PRDM1: variants seen among roughly 807,000 people sequenced by gnomAD.
PRDM1 encodes the protein PR/SET domain 1.
A neutral mutation model predicts 62.8 loss-of-function variants in PRDM1; 13 were observed. The ratio of observed to expected loss-of-function variants is 0.21; its 90% CI spans 0.13 to 0.33. The LOEUF (loss-of-function observed/expected upper bound fraction) is 0.33. PRDM1 is among the 10% of genes least tolerant of loss of function. PRDM1 has a pLI of 1.00. For missense variants in PRDM1, 895 were observed against 1,058.8 expected, an observed-to-expected ratio of 0.85 and a Z score of 2.15; for synonymous variants, 396 against 417.6, an observed-to-expected ratio of 0.95 and a Z score of 0.63.
At chr6:106,018,245 TTAAAG>T (rs1302691831) in intron 1 of PRDM1, among the ~76,000 whole-genome samples, 1 of 152,228 alleles carries the variant, frequency 6.6e-6, no homozygotes, top group Admixed American at 6.5e-5. Context: ...CGTATAGTTA[TTAAAG>T]TAGTTTTGTT....
At chr6:106,023,066 G>A (rs1421107933) in intron 1 of PRDM1, among the ~76,000 whole-genome samples, 1 of 152,106 alleles carries the variant, frequency 6.6e-6, no homozygotes, top group Admixed American at 6.6e-5. Context: ...TGCTGTTAAA[G>A]CGATTTCCTT....
At chr6:105,995,016 C>T (rs1315630861) in intron 1 of PRDM1, among the ~76,000 whole-genome samples, 1 of 152,196 alleles carries the variant, frequency 6.6e-6, no homozygotes, top group Admixed American at 6.5e-5. Flanking sequence ...TGCCCGACGC[C>T]GTCGCAGCCG....
chr6:106,016,855 C>T (rs115647338), intron 1 of PRDM1, among the ~76,000 whole-genome samples: 3,240 of 151,890 alleles, frequency 0.021, 107 homozygotes, highest in African/African-American at 0.074. Flanking sequence ...GGTTTCAACA[C>T]GCTGGCCACG....
At chr6:106,088,512 T>C in intron 2 of PRDM1, 63 bp downstream of exon 2, 1 of 1,589,138 alleles carries the variant, frequency 6.3e-7, no homozygotes, top group Non-Finnish European at 8.6e-7. Context: ...CTACTTGCCC[T>C]TGAGGCCTTG....
At chr6:106,012,085 A>C (rs1275943846) in intron 1 of PRDM1, among the ~76,000 whole-genome samples, 1 of 140,708 alleles carries the variant, frequency 7.1e-6, no homozygotes, top group East Asian at 2.1e-4. Context: ...ACACACAAAC[A>C]TACCACACAC....
intron 2 of PRDM1, among the ~76,000 whole-genome samples, chr6:106,090,031 C>G (rs1773919228): frequency 1.3e-5 from 2 of 152,204 alleles, no homozygotes; most frequent in Non-Finnish European, 2.9e-5. Flanking sequence ...AAAATCATAG[C>G]TAAGTCAAGT....
chr6:106,036,361 C>T (rs1772926112), intron 1 of PRDM1, among the ~76,000 whole-genome samples: 1 of 152,156 alleles, frequency 6.6e-6, no homozygotes, highest in African/African-American at 2.4e-5. Flanking sequence ...TCATGTTGCC[C>T]AGGCTAGATT....
chr6:106,011,207 C>T (rs1253815219), intron 1 of PRDM1, among the ~76,000 whole-genome samples: 3 of 152,068 alleles, frequency 2.0e-5, no homozygotes, highest in Non-Finnish European at 2.9e-5. Flanking sequence ...CGAAGATGTA[C>T]CGAAGACTTA....
intron 1 of PRDM1, among the ~76,000 whole-genome samples, chr6:106,040,144 A>G (rs533489158): frequency 8.5e-5 from 13 of 152,358 alleles, no homozygotes; most frequent in South Asian, 6.2e-4. Flanking sequence ...TGCACTGGTT[A>G]TTATCTGCTT....
At chr6:106,082,917 C>T (rs1271555876), upstream of PRDM1, among the ~76,000 whole-genome samples, 1 of 152,154 alleles carries the variant, frequency 6.6e-6, no homozygotes, top group Admixed American at 6.5e-5. Context: ...ACACAGGCTG[C>T]ATTGTAACAT....
intron 1 of PRDM1, among the ~76,000 whole-genome samples, chr6:106,014,935 A>C (rs1772602028): frequency 6.6e-6 from 1 of 152,100 alleles, no homozygotes; most frequent in African/African-American, 2.4e-5. Flanking sequence ...AGGAGAGAGA[A>C]CAAGACACAG....
intron 4 of PRDM1, chr6:106,100,416 T>C (rs1774234938): frequency 6.6e-6 from 1 of 152,272 alleles, no homozygotes; most frequent in Non-Finnish European, 1.5e-5. Context: ...TTGGTTTTGA[T>C]ATCATTTCAA....
At position 106,105,757 on chromosome 6, in the gene PRDM1, G is replaced by A; in HGVS notation, c.1597G>A (p.Ala533Thr). Residue 533 changes from alanine to threonine, a missense_variant, in exon 5 of 7, where the codon GCT (alanine) becomes ACT (threonine). Coordinates refer to ENST00000369096, the MANE Select transcript of PRDM1 (RefSeq NM_001198.4). ...GGCAGAACATGTGGTGCAGCCCAAA[G>A]CTACCTCAGCAGCGATGGCAGCCCC... ...ATAEHVVQPK[A>T]TSAAMAAPSS... is the part of the protein sequence containing the mutation. 6.2e-7 allele frequency: 1 copy of A among 1,614,196 alleles called. No homozygotes were observed. Among genetic ancestry groups the A allele is most frequent in the Non-Finnish European group, 8.5e-7 (1 of 1,180,048 alleles).
chr6:106,077,393 G>A (rs995968949), intron 1 of PRDM1, among the ~76,000 whole-genome samples: 3 of 152,114 alleles, frequency 2.0e-5, no homozygotes, highest in Non-Finnish European at 1.5e-5. Flanking sequence ...CACAGTTAGA[G>A]CATGAGCAAA....
At chr6:106,034,006 T>C (rs1455849514) in intron 1 of PRDM1, among the ~76,000 whole-genome samples, 2 of 152,188 alleles carry the variant, frequency 1.3e-5, no homozygotes, top group Non-Finnish European at 2.9e-5. Flanking sequence ...TAGGAATTTG[T>C]CTATCTTATC....
rs564049905 is a variant in PRDM1 at position 106,106,768 on chromosome 6, C to G, written c.1903-143C>G. The stretch of plus-strand genomic sequence containing the variant: ...CCCACATCCCCCCGTTTGCTTAATA[C>G]CACACTGGAGGTGCCACAAGGAGGC... On this transcript the variant is annotated intron_variant, in intron 6 of 6. Coordinates refer to ENST00000369096, the MANE Select transcript of PRDM1 (RefSeq NM_001198.4). This position sits in a 1 kb window ranked among gnomAD's most constrained non-coding sequence, Gnocchi z 4.4. 4.7e-5 allele frequency: 48 copies of G among 1,018,808 alleles called. No individual in the cohort carries two copies. The African/African-American group carries it at 7.4e-4, about 16-fold the overall frequency. The allele number at this position is 1,018,808 out of a possible 1,614,324, so 63.1% of individuals were successfully genotyped here.
chr6:106,011,620 C>T (rs957948915), intron 1 of PRDM1, among the ~76,000 whole-genome samples: 3 of 152,014 alleles, frequency 2.0e-5, no homozygotes, highest in African/African-American at 7.3e-5. Context: ...GCCTTCTCAC[C>T]CCCCGCCCCC....
At chr6:105,998,242 T>A (rs1772373020) in intron 1 of PRDM1, among the ~76,000 whole-genome samples, 1 of 152,144 alleles carries the variant, frequency 6.6e-6, no homozygotes, top group Non-Finnish European at 1.5e-5. Flanking sequence ...TAACGTTTTT[T>A]CAATTTCTTA....
rs1478394255 is a variant in PRDM1 at position 106,079,070 on chromosome 6, C to T, written c.-66-9131C>T. Among the ~76,000 whole-genome samples, 28 of 152,070 alleles carry T rather than the reference C, an allele frequency of 1.8e-4. No individual in the cohort carries two copies. In the East Asian group the frequency reaches 5.0e-3, roughly 27 times the overall value. On this transcript the variant is annotated intron_variant, in intron 1 of 6. Transcript: ENST00000651185. ...CTGCCTCTCGGGTTCAAGCGATTCT[C>T]GTGTCTCAGCCTCCCGAGTAGCTGG...
Sources: allele counts gnomAD v4.1 joint callset (sites outside exome capture counted in the v4.1 genomes callset), GRCh38; gene constraint gnomAD v4.1.1; non-coding constraint Gnocchi (gnomAD v3.1); transcripts MANE v1.5; gene names NCBI Gene and HGNC (gene_info 2026-07-23, HGNC 2026-07-21).